The following AJUBA variants were observed in gnomAD, a reference collection of about 807,000 sequenced individuals.
AJUBA encodes the protein LIM domain-containing protein ajuba.
In AJUBA, 20 loss-of-function variants were observed where a neutral mutation model predicts 53.3. That is an observed-to-expected ratio of 0.38 (90% CI 0.26 to 0.55). The LOEUF is 0.55. Ranked by LOEUF, AJUBA falls within the 20% of genes least tolerant of loss-of-function variation. The pLI is 0.80. For missense variants in AJUBA, 580 were observed against 730.5 expected, an observed-to-expected ratio of 0.79 and a Z score of 2.38; for synonymous variants, 296 against 306.2, an observed-to-expected ratio of 0.97 and a Z score of 0.35.
Position 22,975,109 on chromosome 14 carries a change from C to T in AJUBA, c.1240-5G>A. ...CTTCCCCATTGCTTGTAGGATCTGG[C>T]TCATGGGGTAGCAAGAGAATCAGTC... On this transcript the variant is annotated splice_polypyrimidine_tract_variant and splice_region_variant and intron_variant, in intron 4 of 7. Coordinates refer to ENST00000262713, the MANE Select transcript of AJUBA (RefSeq NM_032876.6). 2.5e-6 allele frequency: 4 copies of T among 1,608,096 alleles called. No homozygotes were observed. Among genetic ancestry groups the T allele is most frequent in the Non-Finnish European group, 3.4e-6 (4 of 1,176,722 alleles).
chr14:22,981,366 G>T lies in AJUBA; in HGVS notation c.901C>A (p.Pro301Thr), dbSNP rs565145509. 65 of 1,613,320 alleles carry T rather than the reference G, an allele frequency of 4.0e-5. No individual in the cohort carries two copies. In the African/African-American group the frequency reaches 6.9e-4, roughly 17 times the overall value. Residue 301 changes from proline (P) to threonine (T), a missense_variant, in exon 1 of 8, where the codon CCC (proline) becomes ACC (threonine). Coordinates refer to ENST00000262713, the MANE Select transcript of AJUBA (RefSeq NM_032876.6). ...AGACCCGACGGCTCAATCCCCGAGG[G>T]TTCTCCGCGGGCTCCGGCTTCTCGC... ...GGREAGARGE[P>T]SGIEPSGLEE...
rs1323634061 is a variant in AJUBA at position 22,972,997 on chromosome 14, A to G, written c.*446T>C. The stretch of plus-strand genomic sequence containing the variant: ...GACCAGAACATTGCGTGACTCATGC[A>G]TAATCATACACTAGGCCAGACACAG... On this transcript the variant is annotated 3_prime_UTR_variant, in exon 8 of 8. Transcript: ENST00000262713. 1 of 170,128 alleles carries G rather than the reference A, an allele frequency of 5.9e-6. No individual in the cohort carries two copies. Among genetic ancestry groups the G allele is most frequent in the Non-Finnish European group, 1.3e-5 (1 of 77,808 alleles). 10.5% of individuals were successfully genotyped at this position (170,128 alleles called of 1,614,324 possible).
Position 22,979,612 on chromosome 14 carries a change from G to A in AJUBA, c.1007-1167C>T, listed in dbSNP as rs2045069059. ...CCAAGGAGAAGGGGCCCCCATCTCT[G>A]AATTCAAAATGTGGCTTCCTCATGG... On this transcript the variant is annotated intron_variant, in intron 1 of 7. Transcript: ENST00000262713. The surrounding 1 kb of genome is among the most constrained non-coding windows in gnomAD (Gnocchi z 4.0). Among the ~76,000 whole-genome samples, 1 of 152,204 alleles carries A rather than the reference G, an allele frequency of 6.6e-6. No homozygotes were observed. Among genetic ancestry groups the A allele is most frequent in the Admixed American group, 6.5e-5 (1 of 15,286 alleles).
chr14:22,981,683 T>A lies in AJUBA; in HGVS notation c.584A>T (p.Tyr195Phe). The change falls in exon 1 of 8, where the codon TAT (tyrosine) becomes TTT (phenylalanine). Residue 195 changes from tyrosine (Y) to phenylalanine (F), a missense_variant. Physicochemically the swap from Tyr to Phe is conservative, Grantham distance 22 (BLOSUM62 3). Coordinates refer to ENST00000262713, the MANE Select transcript of AJUBA (RefSeq NM_032876.6). ...GGCGGACGGGACCCCTCCGGGAGAATAGCCTGCCGGTGCTCCGGCCAGGGG... is the reference window on the plus strand; with the variant it reads ...GGCGGACGGGACCCCTCCGGGAGAAAAGCCTGCCGGTGCTCCGGCCAGGGG... ...GPPLAGAPAG[Y>F]SPGGVPSAYP... is the part of the protein sequence containing the mutation. The A allele has an allele frequency of 6.6e-7, 1 of 1,517,270 alleles. No homozygotes were observed. Among genetic ancestry groups the A allele is most frequent in the East Asian group, 2.5e-5 (1 of 40,734 alleles). 94.0% of individuals were successfully genotyped at this position (1,517,270 alleles called of 1,614,324 possible).
chr14:22,981,626 A>C lies in AJUBA; in HGVS notation c.641T>G (p.Leu214Trp). The change falls in exon 1 of 8, where the codon TTG (leucine) becomes TGG (tryptophan). Residue 214 changes from leucine (L) to tryptophan (W), a missense_variant. This residue lies in a region of AJUBA where 430 missense variants were observed against 471.5 expected (regional missense o/e 0.91). Transcript: ENST00000262713. ...YPELHAALDR[L>W]YAQRPAGFGC... ...GAACCCCGCGGGCCGCTGAGCGTACAATCGGTCCAGGGCGGCGTGGAGCTC... is the reference window on the plus strand; with the variant it reads ...GAACCCCGCGGGCCGCTGAGCGTACCATCGGTCCAGGGCGGCGTGGAGCTC... 1 of 1,528,046 alleles carries C rather than the reference A, an allele frequency of 6.5e-7. No homozygotes were observed. The highest frequency in any genetic ancestry group is 1.2e-5 in the South Asian group (1 of 81,764). The allele number at this position is 1,528,046 out of a possible 1,614,324, so 94.7% of individuals were successfully genotyped here. A position where few individuals can be genotyped will look rare whatever the true frequency, so the allele number is the denominator to read the frequency against.
At chr14:22,974,376 AGGGAAGGGAAG>A (rs2045014313) in intron 6 of AJUBA, among the ~76,000 whole-genome samples, 1 of 152,112 alleles carries the variant, frequency 6.6e-6, no homozygotes, top group African/African-American at 2.4e-5. Context: ...CAGGAAGCAA[AGGGAAGGGAAG>A]GGGACAGGAG....
rs951150622 is a variant in AJUBA at position 22,982,539 on chromosome 14, G to A, written c.-273C>T. The A allele has an allele frequency of 6.8e-6, 9 of 1,328,154 alleles. No homozygotes were observed. Among genetic ancestry groups the A allele is most frequent in the Admixed American group, 3.8e-5 (1 of 26,432 alleles). 82.3% of individuals were successfully genotyped at this position (1,328,154 alleles called of 1,614,324 possible). ...CCGCAGGTCTATCTGTTCACGCGTC[G>A]ACTCGCCCGACTGCCCCACTCTCCC... On this transcript the variant is annotated 5_prime_UTR_variant, in exon 1 of 8. Transcript: ENST00000262713.
chr14:22,974,736 C>T, intron 6 of AJUBA, 103 bp downstream of exon 6: 1 of 1,342,542 alleles, frequency 7.4e-7, no homozygotes. Context: ...GAGTACATTC[C>T]TTGGCACTAC....
chr14:22,974,650 T>C, intron 6 of AJUBA, 189 bp downstream of exon 6: 1 of 626,682 alleles, frequency 1.6e-6, no homozygotes, highest in Non-Finnish European at 2.7e-6. Flanking sequence ...CAGTTAGGCT[T>C]TCAGACATGT....
intron 4 of AJUBA, 71 bp downstream of exon 4, chr14:22,976,385 T>C (rs1428564659): frequency 2.7e-6 from 4 of 1,457,550 alleles, no homozygotes; most frequent in Non-Finnish European, 2.9e-6. Context: ...CTTCTCTCAA[T>C]ATCCATTTAG....
In AJUBA at chr14:22,982,317, G is replaced by C. The variant is rs1359773263; in HGVS notation, c.-51C>G. On this transcript the variant is annotated 5_prime_UTR_variant, in exon 1 of 8. Coordinates refer to ENST00000262713, the MANE Select transcript of AJUBA (RefSeq NM_032876.6). ...CCCTCCCCGCCTGGCACCCTGCGGC[G>C]TCTCGGCGGCCGGTTCTCTTTCCCT... The C allele has an allele frequency of 3.1e-6, 5 of 1,595,530 alleles. No homozygotes were observed. The highest frequency in any genetic ancestry group is 2.3e-5 in the East Asian group (1 of 44,338).
At chr14:22,975,144 T>A (rs1481152358) in intron 4 of AJUBA, 40 bp from the exon 5 acceptor site, 8 of 1,592,016 alleles carry the variant, frequency 5.0e-6, no homozygotes, top group Admixed American at 3.4e-5. Flanking sequence ...CTCCCTCCAG[T>A]CCCAGCTCTC....
chr14:22,974,781 T>A, intron 6 of AJUBA, 58 bp downstream of exon 6: 4 of 1,561,910 alleles, frequency 2.6e-6, no homozygotes, highest in Non-Finnish European at 3.5e-6. Context: ...CATGTCCCTA[T>A]CCCCTCCCCA....
chr14:22,974,814 T>C (rs770167601), intron 6 of AJUBA, 25 bp downstream of exon 6: 1 of 1,605,908 alleles, frequency 6.2e-7, no homozygotes, highest in Non-Finnish European at 8.5e-7. Context: ...CTGGCTGCCC[T>C]GAAGGAGAAC....
In AJUBA at chr14:22,981,496, C is replaced by T. The variant is rs1465166918; in HGVS notation, c.771G>A (p.Ala257=). 25 of 1,590,040 alleles carry T rather than the reference C, an allele frequency of 1.6e-5. No homozygotes were observed. The highest frequency in any genetic ancestry group is 2.2e-5 in the South Asian group (2 of 88,916). The stretch of plus-strand genomic sequence containing the variant: ...CGGTCACAGAGTGTCGTCCGGGTTG[C>T]GCCCCCCGTCTCTCCAAGGGCCCCG... ...GAAGPLERRG[A]QPGRHSVTGY... The change falls in exon 1 of 8, where the codon GCG becomes GCA. Residue 257 remains alanine (A), a synonymous_variant. Coordinates refer to ENST00000262713, the MANE Select transcript of AJUBA (RefSeq NM_032876.6).
chr14:22,976,995 C>T (rs932654854), intron 2 of AJUBA: 2 of 1,322,748 alleles, frequency 1.5e-6, no homozygotes, highest in African/African-American at 3.0e-5. Flanking sequence ...CTGCCTTCCT[C>T]TCCAGTGCAT....
At chr14:22,981,175 G>T (rs2045087906) in intron 1 of AJUBA, 86 bp downstream of exon 1, 1 of 1,478,494 alleles carries the variant, frequency 6.8e-7, no homozygotes, top group Admixed American at 2.3e-5. Context: ...GGACCCCGGG[G>T]CACCGGCACT....
At position 22,982,339 on chromosome 14, in the gene AJUBA, C is replaced by T; in HGVS notation, c.-73G>A. 1 of 1,578,900 alleles carries T rather than the reference C, an allele frequency of 6.3e-7. No individual in the cohort carries two copies. The highest frequency in any genetic ancestry group is 8.6e-7 in the Non-Finnish European group (1 of 1,168,262). The stretch of plus-strand genomic sequence containing the variant: ...GGCGTCTCGGCGGCCGGTTCTCTTT[C>T]CCTGCAGCCGGACTCTGGTTCCCCA... On this transcript the variant is annotated 5_prime_UTR_variant, in exon 1 of 8. Coordinates refer to ENST00000262713, the MANE Select transcript of AJUBA (RefSeq NM_032876.6).
intron 2 of AJUBA, chr14:22,977,259 G>A: frequency 2.1e-6 from 2 of 967,258 alleles, no homozygotes; most frequent in South Asian, 9.6e-5. Context: ...TGGAAGCAAA[G>A]CAGGTCCCCT....
Sources: gnomAD v4.1 joint callset for allele counts (sites outside exome capture counted in the v4.1 genomes callset) on GRCh38, gnomAD v4.1.1 for gene constraint, gnomAD v4.1.1 regional missense constraint, Gnocchi (gnomAD v3.1) non-coding constraint, MANE v1.5 for transcripts, NCBI Gene and HGNC (gene_info 2026-07-23, HGNC 2026-07-21) for gene names.